Variants in DHRSX observed in about 807,000 individuals in gnomAD.
DHRSX encodes the protein dehydrogenase/reductase X-linked.
In DHRSX, 31 loss-of-function variants were observed where a neutral mutation model predicts 34.0. That is an observed-to-expected ratio of 0.91 (90% CI 0.69 to 1.23). The LOEUF (loss-of-function observed/expected upper bound fraction) is 1.23, where lower values mean the gene tolerates loss of function less well. Ranked by LOEUF, DHRSX falls within the 50% of genes most tolerant of loss-of-function variation. The pLI is 0.00. For synonymous variants in DHRSX, 201 were observed against 183.8 expected (o/e 1.09, Z -0.76); for missense variants, 414 against 428.1 (o/e 0.97, Z 0.29).
intron 1 of DHRSX, among the ~76,000 whole-genome samples, chrX:2,472,855 G>A (rs2044614518): frequency 6.6e-6 from 1 of 152,072 alleles, no homozygotes; most frequent in Non-Finnish European, 1.5e-5. Flanking sequence ...AAATGTTAGG[G>A]TAGTGTCTTA....
intron 3 of DHRSX, among the ~76,000 whole-genome samples, chrX:2,301,631 C>T (rs1030422478): frequency 6.6e-6 from 1 of 152,044 alleles, no homozygotes; most frequent in Non-Finnish European, 1.5e-5. Context: ...CAGGTCTTTT[C>T]ACCTAGTTCT....
At chrX:2,418,488 G>A (rs921888158) in intron 2 of DHRSX, among the ~76,000 whole-genome samples, 3 of 152,134 alleles carry the variant, frequency 2.0e-5, no homozygotes, top group African/African-American at 7.2e-5. Flanking sequence ...GAAATGGGGT[G>A]TTTTCTTCCT....
intron 3 of DHRSX, among the ~76,000 whole-genome samples, chrX:2,297,233 C>T (rs1208844100): frequency 6.6e-6 from 1 of 152,204 alleles, no homozygotes; most frequent in Non-Finnish European, 1.5e-5. Context: ...AGCGATTCTC[C>T]CTCCTTAGCC....
At chrX:2,290,032 T>C (rs2041847736) in intron 4 of DHRSX, among the ~76,000 whole-genome samples, 1 of 152,246 alleles carries the variant, frequency 6.6e-6, no homozygotes, top group Admixed American at 6.5e-5. Flanking sequence ...TTTTTATGCA[T>C]AAATACATAT....
intron 1 of DHRSX, among the ~76,000 whole-genome samples, chrX:2,499,477 T>C (rs1020845993): frequency 5.9e-5 from 9 of 152,332 alleles, no homozygotes; most frequent in Admixed American, 5.9e-4. Flanking sequence ...TAGGTTTAAA[T>C]TGAGAATATG....
chrX:2,276,069 C>G lies in DHRSX; in HGVS notation c.389-9122G>C, dbSNP rs934685904. On this transcript the variant is annotated intron_variant, in intron 4 of 6. Transcript: ENST00000334651. ...GTGTTGGCCAGGATGGTCTCGAACT[C>G]CTGACCTCGTGATCCATCCACGTCG... Among the ~76,000 whole-genome samples the G allele has an allele frequency of 1.3e-5, 2 of 152,176 alleles. 1 individual carries two copies. The highest frequency in any genetic ancestry group is 2.9e-5 in the Non-Finnish European group (2 of 68,038).
intron 3 of DHRSX, among the ~76,000 whole-genome samples, chrX:2,393,661 TCCGCACACACGACACACAGGGAC>T (rs2043368837): frequency 7.9e-6 from 1 of 127,184 alleles, no homozygotes; most frequent in South Asian, 2.6e-4. Flanking sequence ...CCCCGTCTCC[TCCGCACACACGACACACAGGGAC>T]CTCCCTGTCT....
At chrX:2,253,969 G>A (rs1230096755) in intron 5 of DHRSX, among the ~76,000 whole-genome samples, 1 of 152,072 alleles carries the variant, frequency 6.6e-6, no homozygotes. Context: ...GTTGAGGCAG[G>A]AGAATGGCGT....
chrX:2,414,803 G>C (rs2043673750), intron 2 of DHRSX, among the ~76,000 whole-genome samples: 1 of 151,760 alleles, frequency 6.6e-6, no homozygotes, highest in Admixed American at 6.6e-5. Context: ...AATACAAGTA[G>C]ATCTCATCAT....
chrX:2,259,303 T>C (rs1010788919), intron 5 of DHRSX, among the ~76,000 whole-genome samples: 14 of 147,340 alleles, frequency 9.5e-5, no homozygotes, highest in African/African-American at 2.5e-5. Flanking sequence ...GATATATAGA[T>C]ATAGATATAG....
At chrX:2,312,124 G>C (rs2042171686) in intron 3 of DHRSX, among the ~76,000 whole-genome samples, 1 of 152,088 alleles carries the variant, frequency 6.6e-6, no homozygotes, top group Non-Finnish European at 1.5e-5. Flanking sequence ...GAGGAACTGA[G>C]ACCTGGCAGG....
At chrX:2,290,764 C>G (rs1005315002) in intron 4 of DHRSX, among the ~76,000 whole-genome samples, 5 of 152,046 alleles carry the variant, frequency 3.3e-5, no homozygotes, top group African/African-American at 4.8e-5. Context: ...ACCTTTAGTT[C>G]TATGTATTTA....
At position 2,386,156 on chromosome X, in the gene DHRSX, ATTATTTATTTATTTAT is replaced by A. The variant is rs768572407; in HGVS notation, c.286+22573_286+22588del. 9.8e-4 allele frequency among the ~76,000 whole-genome samples: 141 copies of A among 143,988 alleles called. 1 individual carries two copies. The highest frequency in any genetic ancestry group is 1.6e-3 in the Non-Finnish European group (107 of 66,172). 94.5% of individuals were successfully genotyped at this position (143,988 alleles called of 152,430 possible). On this transcript the variant is annotated intron_variant, in intron 3 of 6. Coordinates refer to ENST00000334651, the MANE Select transcript of DHRSX (RefSeq NM_145177.3). ...TTTGGAAAAAGTATATAGATAATCA[ATTATTTATTTATTTAT>A]TTATTTATTTATTTATTTATTTATT...
chrX:2,324,970 G>A (rs1279482674), intron 3 of DHRSX, among the ~76,000 whole-genome samples: 1 of 147,530 alleles, frequency 6.8e-6, no homozygotes, highest in Non-Finnish European at 1.5e-5. Context: ...TAGTAGAGAC[G>A]CGGTTTCACT....
chrX:2,365,944 A>G (rs7057888), intron 3 of DHRSX, among the ~76,000 whole-genome samples: 3,955 of 152,154 alleles, frequency 0.026, 73 homozygotes, highest in Non-Finnish European at 0.036. Flanking sequence ...TTCACTGAAC[A>G]CTAGCGTTCT....
At chrX:2,373,404 C>T (rs184552331) in intron 3 of DHRSX, among the ~76,000 whole-genome samples, 1 of 152,120 alleles carries the variant, frequency 6.6e-6, no homozygotes, top group Non-Finnish European at 1.5e-5. Flanking sequence ...TGTTCTGAGG[C>T]GAGGCTGGAA....
intron 6 of DHRSX, among the ~76,000 whole-genome samples, chrX:2,223,975 G>T (rs1165518646): frequency 6.6e-6 from 1 of 152,184 alleles, no homozygotes; most frequent in Non-Finnish European, 1.5e-5. Flanking sequence ...GGGCCACCCT[G>T]GGTCCCCAGG....
intron 1 of DHRSX, among the ~76,000 whole-genome samples, chrX:2,434,663 G>C (rs1387426321): frequency 2.0e-5 from 3 of 152,146 alleles, no homozygotes. Flanking sequence ...AGAGCAAGAC[G>C]CTGTCTCTTT....
chrX:2,468,710 G>A (rs2044538042), intron 1 of DHRSX, among the ~76,000 whole-genome samples: 1 of 150,966 alleles, frequency 6.6e-6, no homozygotes, highest in African/African-American at 2.4e-5. Flanking sequence ...AAAGAATGCA[G>A]CCAAAGGACG....
Sources: gnomAD v4.1 joint callset for allele counts (sites outside exome capture counted in the v4.1 genomes callset) on GRCh38, gnomAD v4.1.1 for gene constraint, MANE v1.5 for transcripts, NCBI Gene and HGNC (gene_info 2026-07-23, HGNC 2026-07-21) for gene names.